Variants in RANBP9 observed in about 807,000 individuals in gnomAD.
The protein encoded by RANBP9 is RAN binding protein 9, also known as ran-binding protein 9.
Under a neutral mutation model 84.3 loss-of-function variants are expected in RANBP9, and 15 were observed. The observed-to-expected ratio is 0.18, with a 90% CI of 0.12 to 0.27. The LOEUF (loss-of-function observed/expected upper bound fraction) is 0.27, where lower values mean the gene tolerates loss of function less well. RANBP9 is among the 10% of genes least tolerant of loss of function. The pLI, the probability that RANBP9 is intolerant of heterozygous loss-of-function variation, is 1.00. For synonymous variants in RANBP9, 392 were observed against 349.6 expected (o/e 1.12, Z -1.35); for missense variants, 809 against 912.8 (o/e 0.89, Z 1.46).
Position 13,637,871 on chromosome 6 carries a change from A to C in RANBP9, c.1610T>G (p.Leu537Trp), listed in dbSNP as rs1764978481. The part of the protein sequence containing the change: ...CHSNKHQSSN[L>W]NVPELNSINM... ...TATACTGTTTAGTTCTGGTACATTC[A>C]AGTTGGATGACTGGTGTTTATTACT... The change falls in exon 10 of 14, where the codon TTG (leucine) becomes TGG (tryptophan). Residue 537 changes from leucine to tryptophan, a missense_variant. Coordinates refer to ENST00000011619, the MANE Select transcript of RANBP9 (RefSeq NM_005493.3). The C allele has an allele frequency of 1.2e-6, 2 of 1,609,564 alleles. No homozygotes were observed. The highest frequency in any genetic ancestry group is 1.3e-5 in the African/African-American group (1 of 74,884).
Position 13,696,910 on chromosome 6 carries a change from G to A in RANBP9, c.572-14C>T, listed in dbSNP as rs141356797. 48 of 1,588,210 alleles carry A rather than the reference G, an allele frequency of 3.0e-5. No homozygotes were observed. The Admixed American group carries it at 4.8e-4, about 16-fold the overall frequency. On this transcript the variant is annotated splice_polypyrimidine_tract_variant and intron_variant, in intron 1 of 13. Coordinates refer to ENST00000011619, the MANE Select transcript of RANBP9 (RefSeq NM_005493.3). ...TTTTGCCATGACCTGCATAGAAACAGGAAGGAAAAAAGAAGTCACATGAGA... is the reference window on the plus strand; with the variant it reads ...TTTTGCCATGACCTGCATAGAAACAAGAAGGAAAAAAGAAGTCACATGAGA...
intron 10 of RANBP9, 123 bp from the exon 11 acceptor site, chr6:13,634,675 A>AAAAAAGGT: frequency 2.1e-6 from 2 of 957,774 alleles, no homozygotes; most frequent in Non-Finnish European, 2.9e-6. Flanking sequence ...AGAAATCTGC[A>AAAAAAGGT]AAAAAGGTAT....
At chr6:13,710,804 A>ACCCTT in intron 1 of RANBP9, 131 bp downstream of exon 1, 1 of 982,808 alleles carries the variant, frequency 1.0e-6, no homozygotes, top group African/African-American at 1.7e-5. Flanking sequence ...GAGCAGCACA[A>ACCCTT]CAGGCGGCGA....
intron 5 of RANBP9, among the ~76,000 whole-genome samples, chr6:13,647,538 T>C (rs1331985868): frequency 3.3e-5 from 5 of 152,120 alleles, no homozygotes; most frequent in Admixed American, 2.6e-4. Flanking sequence ...ACATATTGTA[T>C]ATGGTATGAC....
intron 1 of RANBP9, among the ~76,000 whole-genome samples, chr6:13,697,447 T>C (rs1194619400): frequency 1.3e-5 from 2 of 152,246 alleles, no homozygotes; most frequent in Non-Finnish European, 2.9e-5. Context: ...AGCTGATTCA[T>C]AAAATCTCTT....
At chr6:13,629,287 T>C (rs1215132832) in intron 12 of RANBP9, among the ~76,000 whole-genome samples, 4 of 152,126 alleles carry the variant, frequency 2.6e-5, no homozygotes, top group East Asian at 1.9e-4. Context: ...CGTGTAGTTA[T>C]TTAAAAATAA....
In RANBP9 at chr6:13,696,915, GA is replaced by G; in HGVS notation, c.572-20del. ...CCATGACCTGCATAGAAACAGGAAGGAAAAAAGAAGTCACATGAGATATTCA... is the reference window on the plus strand; with the variant it reads ...CCATGACCTGCATAGAAACAGGAAGGAAAAAGAAGTCACATGAGATATTCA... On this transcript the variant is annotated intron_variant, in intron 1 of 13. Coordinates refer to ENST00000011619, the MANE Select transcript of RANBP9 (RefSeq NM_005493.3). 1.3e-6 allele frequency: 2 copies of G among 1,565,288 alleles called. No homozygotes were observed. Among genetic ancestry groups the G allele is most frequent in the Admixed American group, 1.8e-5 (1 of 55,262 alleles).
Position 13,693,453 on chromosome 6 carries a change from T to C in RANBP9, c.683+3332A>G, listed in dbSNP as rs76860631. On this transcript the variant is annotated intron_variant, in intron 2 of 13. Transcript: ENST00000011619. ...AACTCTCATACACTGCTGGTAGAAA[T>C]GCAAACCAGTGGGCCAGGCACAGTG... is the stretch of plus-strand genomic sequence containing the variant. Among the ~76,000 whole-genome samples, 136 of 152,156 alleles carry C rather than the reference T, an allele frequency of 8.9e-4. No homozygotes were observed. The East Asian group carries it at 0.022, about 25-fold the overall frequency.
intron 9 of RANBP9, 53 bp from the exon 10 acceptor site, chr6:13,638,008 C>T (rs1366699449): frequency 1.1e-5 from 17 of 1,483,768 alleles, no homozygotes; most frequent in Non-Finnish European, 1.4e-5. Flanking sequence ...TTTATTAATA[C>T]GGTTGTAAAC....
intron 9 of RANBP9, among the ~76,000 whole-genome samples, chr6:13,639,092 G>T (rs956315951): frequency 6.6e-6 from 1 of 152,108 alleles, no homozygotes; most frequent in African/African-American, 2.4e-5. Context: ...GTGACTTCCT[G>T]GTACTGAGAA....
rs1333135088 is a variant in RANBP9, at chr6:13,711,708, G to A, written c.-203C>T. On this transcript the variant is annotated 5_prime_UTR_variant, in exon 1 of 14. Coordinates refer to ENST00000011619, the MANE Select transcript of RANBP9 (RefSeq NM_005493.3). Reference sequence around the variant, plus strand: ...AGTAGGCGGCGGGCCCGGGAGGCCGGGAGAGAACGTTGGCCGGAGCGCGGG... The same window carrying A: ...AGTAGGCGGCGGGCCCGGGAGGCCGAGAGAGAACGTTGGCCGGAGCGCGGG... 4.7e-5 allele frequency: 15 copies of A among 320,746 alleles called. No individual in the cohort carries two copies. The highest frequency in any genetic ancestry group is 2.0e-4 in the African/African-American group (9 of 45,018). 19.9% of individuals were successfully genotyped at this position (320,746 alleles called of 1,614,324 possible). A position where few individuals can be genotyped will look rare whatever the true frequency, so the allele number is the denominator to read the frequency against.
intron 10 of RANBP9, among the ~76,000 whole-genome samples, chr6:13,635,072 T>G (rs79126916): frequency 0.037 from 5,687 of 152,334 alleles, 189 homozygotes; most frequent in East Asian, 0.14. Flanking sequence ...GCATTTGTCC[T>G]CACTACTTAA....
chr6:13,682,574 T>A (rs1766070742), intron 2 of RANBP9, among the ~76,000 whole-genome samples: 1 of 152,048 alleles, frequency 6.6e-6, no homozygotes, highest in Non-Finnish European at 1.5e-5. Flanking sequence ...AGCCTCAGCC[T>A]CCCGAGTCAC....
intron 12 of RANBP9, among the ~76,000 whole-genome samples, chr6:13,630,847 T>G (rs1484693768): frequency 1.3e-5 from 2 of 152,108 alleles, no homozygotes; most frequent in African/African-American, 2.4e-5. Context: ...TTTTCTATTT[T>G]TTTTTTTTTA....
chr6:13,629,434 A>G (rs1445787492), intron 12 of RANBP9, among the ~76,000 whole-genome samples: 1 of 152,218 alleles, frequency 6.6e-6, no homozygotes, highest in Non-Finnish European at 1.5e-5. Flanking sequence ...AATACCTGAA[A>G]TATGTAGCAT....
chr6:13,642,714 C>T (rs1022023911), intron 6 of RANBP9, 123 bp from the exon 7 acceptor site: 16 of 508,790 alleles, frequency 3.1e-5, no homozygotes, highest in African/African-American at 8.0e-5. Flanking sequence ...TGAAACAAGG[C>T]GTTAAGAACC....
In RANBP9 at chr6:13,652,660, G is replaced by A. The variant is rs1251506623; in HGVS notation, c.926C>T (p.Pro309Leu). 5 of 1,594,558 alleles carry A rather than the reference G, an allele frequency of 3.1e-6. No individual in the cohort carries two copies. The highest frequency in any genetic ancestry group is 1.7e-5 in the Admixed American group (1 of 58,292). ...AACTGCTTTTAAAAAAAGTCTTACCGGTAGGTCAGTGAAAGCAATACCTAA... is the reference window on the plus strand; with the variant it reads ...AACTGCTTTTAAAAAAAGTCTTACCAGTAGGTCAGTGAAAGCAATACCTAA... The part of the protein sequence containing the change: ...HSLGIAFTDL[P>L]PNLYPTVGLQ... The change falls in exon 5 of 14, where the codon CCG (proline) becomes CTG (leucine). Residue 309 changes from proline (P) to leucine (L), a missense_variant and splice_region_variant. Pro to Leu is a moderately conservative substitution (Grantham distance 98). This residue lies in a region of RANBP9 where 216 missense variants were observed against 329.0 expected (regional missense o/e 0.66). Transcript: ENST00000011619.
Position 13,632,391 on chromosome 6 carries a change from A to C in RANBP9, c.1926T>G (p.Thr642=). 1 of 1,607,030 alleles carries C rather than the reference A, an allele frequency of 6.2e-7. No homozygotes were observed. The highest frequency in any genetic ancestry group is 8.5e-7 in the Non-Finnish European group (1 of 1,177,880). The part of the protein sequence containing the change: ...EQLRRDCGKN[T]ANKKMLKDAF... ...TCACCTTCAACATTTTTTTGTTTGC[A>C]GTGTTCTTGCCACAGTCTCTCCTTA... is the stretch of plus-strand genomic sequence containing the variant. The change falls in exon 12 of 14, where the codon ACT becomes ACG. Residue 642 remains threonine (T), a synonymous_variant. Transcript: ENST00000011619.
At chr6:13,700,558 T>C (rs2113363320) in intron 1 of RANBP9, among the ~76,000 whole-genome samples, 1 of 152,254 alleles carries the variant, frequency 6.6e-6, no homozygotes, top group South Asian at 2.1e-4. Flanking sequence ...TTCTCTAATC[T>C]CTCCAACTTG....
Sources: gnomAD v4.1 joint callset for allele counts (sites outside exome capture counted in the v4.1 genomes callset) on GRCh38, gnomAD v4.1.1 for gene constraint, gnomAD v4.1.1 regional missense constraint, MANE v1.5 for transcripts, NCBI Gene and HGNC (gene_info 2026-07-23, HGNC 2026-07-21) for gene names.